The following STARD13 variants were observed in gnomAD, a reference collection of about 807,000 sequenced individuals.
The protein encoded by STARD13 is StAR related lipid transfer domain containing 13.
A neutral mutation model predicts 106.4 loss-of-function variants in STARD13; 62 were observed. That is an observed-to-expected ratio of 0.58 (90% CI 0.48 to 0.72). The LOEUF (loss-of-function observed/expected upper bound fraction) is 0.72, where lower values mean the gene tolerates loss of function less well. Among genes scored for constraint, STARD13 ranks in the 30% least tolerant of loss-of-function variants. The pLI is 0.00. For missense variants in STARD13, 1,387 were observed against 1,424.0 expected, an observed-to-expected ratio of 0.97 and a Z score of 0.42; for synonymous variants, 565 against 553.0, an observed-to-expected ratio of 1.02 and a Z score of -0.31.
chr13:33,511,543 G>A, the STARD13 span: 2 of 152,066 alleles, frequency 1.3e-5, no homozygotes, highest in Non-Finnish European at 2.9e-5. Flanking sequence ...TTTATTATTT[G>A]TATCCTACTT....
rs75153868 is a variant in STARD13, at chr13:33,123,278, G to C, written c.2082+2803C>G. Among the ~76,000 whole-genome samples the C allele has an allele frequency of 9.3e-3, 1,413 of 152,258 alleles. 24 individuals carry two copies. The highest frequency in any genetic ancestry group is 0.032 in the African/African-American group (1,335 of 41,556). ...GAGGCTGAGCATGAGTGGTGCATTA[G>C]AATTCACATTCCATCTGAATAATAT... On this transcript the variant is annotated intron_variant, in intron 7 of 13. Coordinates refer to ENST00000336934, the MANE Select transcript of STARD13 (RefSeq NM_178006.4).
At chr13:33,510,705 G>C in the STARD13 span, among the ~76,000 whole-genome samples, 8 of 152,128 alleles carry the variant, frequency 5.3e-5, no homozygotes, top group African/African-American at 1.9e-4. Flanking sequence ...AGGAACTGCT[G>C]CTGGTCATTT....
In STARD13 at chr13:33,300,065, C is replaced by A. The variant is rs1160708178; in HGVS notation, c.124+50225G>T. On this transcript the variant is annotated intron_variant, in intron 1 of 5. Coordinates refer to the STARD13 transcript ENST00000567873. ...ATTTCAAGAACACCTAGAAATGTGG[C>A]TTTGGAGTCGAGTTAACTTTTAACC... Among the ~76,000 whole-genome samples the A allele has an allele frequency of 3.9e-5, 6 of 152,226 alleles. No individual in the cohort carries two copies. The South Asian group carries it at 1.2e-3, about 32-fold the overall frequency.
At chr13:33,131,829 C>A (rs1188591139) in intron 4 of STARD13, among the ~76,000 whole-genome samples, 1 of 152,118 alleles carries the variant, frequency 6.6e-6, no homozygotes, top group Non-Finnish European at 1.5e-5. Context: ...TAAGTTTCTG[C>A]CACTTATAAG....
intron 1 of STARD13, chr13:33,185,981 C>G (rs1885726893): frequency 1.2e-6 from 2 of 1,614,084 alleles, no homozygotes; most frequent in Admixed American, 1.7e-5. Context: ...ACAAAGGGGC[C>G]TGGTTAACGT....
intron 1 of STARD13, among the ~76,000 whole-genome samples, chr13:33,221,555 C>T (rs1287917567): frequency 6.6e-6 from 1 of 152,148 alleles, no homozygotes; most frequent in East Asian, 1.9e-4. Context: ...CTGAGTGGAT[C>T]CCTCCTCCTG....
chr13:33,287,124 G>A (rs1892097469), upstream of STARD13, among the ~76,000 whole-genome samples: 1 of 152,100 alleles, frequency 6.6e-6, no homozygotes, highest in Non-Finnish European at 1.5e-5. Context: ...TAGCCTGGCT[G>A]GGAATTTATA....
At chr13:33,131,123 C>G (rs986606358) in intron 4 of STARD13, among the ~76,000 whole-genome samples, 1 of 152,168 alleles carries the variant, frequency 6.6e-6, no homozygotes, top group Non-Finnish European at 1.5e-5. Flanking sequence ...TCCCTGAGGC[C>G]AGAGATGGCC....
intron 1 of STARD13, among the ~76,000 whole-genome samples, chr13:33,228,565 T>C (rs1212544791): frequency 2.0e-5 from 3 of 152,202 alleles, no homozygotes; most frequent in African/African-American, 7.2e-5. Context: ...TATTCTGTGG[T>C]TAGTCAACCA....
chr13:33,359,958 T>C, the STARD13 span, among the ~76,000 whole-genome samples: 1 of 152,230 alleles, frequency 6.6e-6, no homozygotes, highest in African/African-American at 2.4e-5. Context: ...TAAAATGATT[T>C]CTAAGACTGA....
the STARD13 span, among the ~76,000 whole-genome samples, chr13:33,461,995 TGAA>T: frequency 6.6e-6 from 1 of 152,196 alleles, no homozygotes; most frequent in Non-Finnish European, 1.5e-5. Flanking sequence ...GCAACCACAA[TGAA>T]GAAGAAACAA....
downstream of STARD13, among the ~76,000 whole-genome samples, chr13:33,347,779 C>T (rs1225629762): frequency 6.6e-6 from 1 of 152,206 alleles, no homozygotes; most frequent in Non-Finnish European, 1.5e-5. Context: ...CAATGCATTT[C>T]TTAGACTATA....
chr13:33,166,868 G>A (rs753346241), intron 2 of STARD13, among the ~76,000 whole-genome samples: 6 of 151,872 alleles, frequency 4.0e-5, no homozygotes, highest in Admixed American at 3.9e-4. Context: ...GGTGGTGCCC[G>A]CCTGTAATCT....
At chr13:33,437,473 T>C in the STARD13 span, among the ~76,000 whole-genome samples, 2 of 152,214 alleles carry the variant, frequency 1.3e-5, no homozygotes, top group African/African-American at 4.8e-5. Context: ...TCCTGCTACA[T>C]ATCTCTGCTA....
chr13:33,454,006 TTG>T, the STARD13 span, among the ~76,000 whole-genome samples: 9,597 of 152,186 alleles, frequency 0.063, 692 homozygotes, highest in African/African-American at 0.18. Context: ...AAGATGATTT[TTG>T]TGTGTGTGTG....
chr13:33,113,547 T>C (rs763870329), intron 8 of STARD13: 43 of 516,482 alleles, frequency 8.3e-5, no homozygotes, highest in South Asian at 6.0e-4. Context: ...CATCTTCCTT[T>C]TTCCTACAAA....
chr13:33,436,058 G>A, the STARD13 span, among the ~76,000 whole-genome samples: 2,053 of 152,172 alleles, frequency 0.013, 47 homozygotes, highest in Non-Finnish European at 0.014. Flanking sequence ...CTAACAAAAC[G>A]CCATAACACA....
chr13:33,519,814 A>G, the STARD13 span: 5 of 152,130 alleles, frequency 3.3e-5, no homozygotes, highest in African/African-American at 1.2e-4. Context: ...GAGATGAGGT[A>G]TTCGTAATAT....
At chr13:33,464,037 A>ATG in the STARD13 span, among the ~76,000 whole-genome samples, 1 of 140,982 alleles carries the variant, frequency 7.1e-6, no homozygotes, top group East Asian at 2.0e-4. Context: ...ATATATATAT[A>ATG]TATATGTATA....
Sources: allele counts gnomAD v4.1 joint callset (sites outside exome capture counted in the v4.1 genomes callset), GRCh38; gene constraint gnomAD v4.1.1; transcripts MANE v1.5; gene names NCBI Gene and HGNC (gene_info 2026-07-23, HGNC 2026-07-21).